HECW1: variants seen among roughly 807,000 people sequenced by gnomAD.
The protein encoded by HECW1 is E3 ubiquitin-protein ligase HECW1.
A neutral mutation model predicts 182.3 loss-of-function variants in HECW1; 61 were observed. That is an observed-to-expected ratio of 0.33 (90% CI 0.27 to 0.41). HECW1 has a LOEUF of 0.41. Ranked by LOEUF, HECW1 falls within the 10% of genes least tolerant of loss-of-function variation. The pLI, the probability that HECW1 is intolerant of heterozygous loss-of-function variation, is 1.00. For missense variants in HECW1, 1,739 were observed against 2,108.9 expected (o/e 0.82, Z 3.44); for synonymous variants, 859 against 832.6 (o/e 1.03, Z -0.55).
chr7:43,283,830 C>T (rs914141682), intron 3 of HECW1, among the ~76,000 whole-genome samples: 19 of 152,186 alleles, frequency 1.2e-4, no homozygotes, highest in African/African-American at 4.1e-4. Context: ...CAATCTATTT[C>T]CTCCATGTTT....
intron 6 of HECW1, among the ~76,000 whole-genome samples, chr7:43,394,826 G>A (rs777321631): frequency 3.9e-5 from 6 of 152,162 alleles, no homozygotes; most frequent in Non-Finnish European, 7.3e-5. Flanking sequence ...GCGGGAGACC[G>A]GAGTTTATTA....
chr7:43,332,124 TAAG>T (rs1446783869), intron 5 of HECW1, among the ~76,000 whole-genome samples: 1 of 152,016 alleles, frequency 6.6e-6, no homozygotes, highest in Non-Finnish European at 1.5e-5. Context: ...AGAGAAATAA[TAAG>T]AAGAAATTGG....
At chr7:43,205,221 T>A (rs988988775) in intron 2 of HECW1, among the ~76,000 whole-genome samples, 3 of 152,104 alleles carry the variant, frequency 2.0e-5, no homozygotes, top group Non-Finnish European at 4.4e-5. Flanking sequence ...GTAGCTGGAA[T>A]TACAGGCACC....
intron 8 of HECW1, among the ~76,000 whole-genome samples, chr7:43,416,722 A>G (rs1405595016): frequency 6.9e-6 from 1 of 145,854 alleles, no homozygotes; most frequent in Non-Finnish European, 1.5e-5. Flanking sequence ...TGTGGGATAT[A>G]GTCTCGTGGT....
At chr7:43,426,755 T>G (rs540295597) in intron 8 of HECW1, among the ~76,000 whole-genome samples, 28 of 152,318 alleles carry the variant, frequency 1.8e-4, no homozygotes, top group Middle Eastern at 3.4e-3. Flanking sequence ...TACATGATGT[T>G]TGATTATCAA....
chr7:43,264,838 G>C (rs371068408), intron 3 of HECW1, among the ~76,000 whole-genome samples: 1 of 98,568 alleles, frequency 1.0e-5, no homozygotes, highest in Non-Finnish European at 2.2e-5. Context: ...AGTGAGACTC[G>C]GTTTAAAAAA....
chr7:43,116,613 C>T (rs1334481095), intron 2 of HECW1, among the ~76,000 whole-genome samples: 3 of 152,206 alleles, frequency 2.0e-5, no homozygotes, highest in Non-Finnish European at 2.9e-5. Context: ...GACATCAAGA[C>T]ACCTGCTTCT....
At chr7:43,292,406 C>T (rs1805503922) in intron 3 of HECW1, among the ~76,000 whole-genome samples, 1 of 152,244 alleles carries the variant, frequency 6.6e-6, no homozygotes, top group South Asian at 2.1e-4. Flanking sequence ...CACAAGGCCC[C>T]TGGAAACCAG....
intron 3 of HECW1, among the ~76,000 whole-genome samples, chr7:43,291,360 CT>C (rs796727233): frequency 2.0e-4 from 30 of 152,230 alleles, no homozygotes; most frequent in African/African-American, 6.5e-4. Flanking sequence ...CAGTTTAAAA[CT>C]TTTTTTAAAT....
intron 2 of HECW1, among the ~76,000 whole-genome samples, chr7:43,196,973 C>T (rs961647344): frequency 3.3e-5 from 5 of 151,708 alleles, no homozygotes; most frequent in Non-Finnish European, 4.4e-5. Context: ...ATAAAAGCAC[C>T]GATTGTTGTA....
chr7:43,132,746 T>G (rs1787097170), intron 2 of HECW1, among the ~76,000 whole-genome samples: 1 of 152,194 alleles, frequency 6.6e-6, no homozygotes, highest in East Asian at 1.9e-4. Flanking sequence ...TGACCCTTCT[T>G]TCTTCCTTCC....
At chr7:43,508,908 A>T in intron 23 of HECW1, 61 bp from the exon 24 acceptor site, 1 of 1,581,536 alleles carries the variant, frequency 6.3e-7, no homozygotes, top group Non-Finnish European at 8.6e-7. Flanking sequence ...ATCTGGGTGC[A>T]AACAGGTCCC....
rs370237329 is a variant in HECW1 at position 43,506,384 on chromosome 7, G to A, written c.3632-753G>A. Among the ~76,000 whole-genome samples the A allele has an allele frequency of 1.1e-4, 16 of 152,318 alleles. No individual in the cohort carries two copies. In the South Asian group the frequency reaches 3.3e-3, roughly 32 times the overall value. On this transcript the variant is annotated intron_variant, in intron 21 of 29. Transcript: ENST00000395891. ...AAGTACAATTAAAGCTGAGAAAAAT[G>A]CTCATCCATGTCCTTTTAAGAGAAA...
chr7:43,220,253 G>A lies in HECW1; in HGVS notation c.-31-23622G>A, dbSNP rs538920628. ...CCAAAAGAAGAGCTGCATAGGGTGA[G>A]GTCTGGGAGCACCTAGAATGCAACG... On this transcript the variant is annotated intron_variant, in intron 2 of 29. Transcript: ENST00000395891. Among the ~76,000 whole-genome samples the A allele has an allele frequency of 2.0e-5, 3 of 152,322 alleles. 1 individual carries two copies. The South Asian group carries it at 6.2e-4, about 32-fold the overall frequency.
chr7:43,353,738 T>C (rs1023484744), intron 5 of HECW1, among the ~76,000 whole-genome samples: 2 of 152,076 alleles, frequency 1.3e-5, no homozygotes, highest in African/African-American at 4.8e-5. Context: ...AGCTTCCACA[T>C]CATTTTGGGT....
intron 3 of HECW1, among the ~76,000 whole-genome samples, chr7:43,309,669 C>A (rs1437468281): frequency 6.6e-6 from 1 of 152,248 alleles, no homozygotes; most frequent in East Asian, 1.9e-4. Context: ...AGCCTCTCCC[C>A]TGAGCACCAG....
intron 2 of HECW1, among the ~76,000 whole-genome samples, chr7:43,136,309 T>G (rs1192311558): frequency 6.6e-6 from 1 of 152,218 alleles, no homozygotes; most frequent in African/African-American, 2.4e-5. Context: ...TTCCCAAAGC[T>G]GTTATATGTG....
chr7:43,216,276 G>T (rs1190586263), intron 2 of HECW1, among the ~76,000 whole-genome samples: 1 of 152,000 alleles, frequency 6.6e-6, no homozygotes, highest in Non-Finnish European at 1.5e-5. Context: ...CTCCTGAGTA[G>T]CTGGGACTAC....
At chr7:43,136,728 G>C (rs747431448) in intron 2 of HECW1, among the ~76,000 whole-genome samples, 54 of 152,290 alleles carry the variant, frequency 3.5e-4, no homozygotes, top group Middle Eastern at 3.4e-3. Flanking sequence ...CCAAACTGCA[G>C]ATAAGAGAAC....
Sources: gnomAD v4.1 joint callset for allele counts (sites outside exome capture counted in the v4.1 genomes callset) on GRCh38, gnomAD v4.1.1 for gene constraint, MANE v1.5 for transcripts, NCBI Gene and HGNC (gene_info 2026-07-23, HGNC 2026-07-21) for gene names.